Variants in EPHA6 observed in about 807,000 individuals in gnomAD.
The protein encoded by EPHA6 is ephrin type-A receptor 6.
In EPHA6, 50 loss-of-function variants were observed where a neutral mutation model predicts 112.0. The ratio of observed to expected loss-of-function variants is 0.45; its 90% confidence interval spans 0.36 to 0.56. The LOEUF is 0.56. Among genes scored for constraint, EPHA6 ranks in the 20% least tolerant of loss-of-function variants. The probability of loss-of-function intolerance (pLI) is 0.00; values close to 1 mark genes in which losing one functional copy is unlikely to be tolerated. For missense variants in EPHA6, 1,280 were observed against 1,417.4 expected, an observed-to-expected ratio of 0.90 and a Z score of 1.56; for synonymous variants, 529 against 490.7, an observed-to-expected ratio of 1.08 and a Z score of -1.03.
At chr3:97,601,010 A>T (rs1349038128) in intron 12 of EPHA6, among the ~76,000 whole-genome samples, 1 of 152,036 alleles carries the variant, frequency 6.6e-6, no homozygotes, top group Non-Finnish European at 1.5e-5. Flanking sequence ...AAGCCTTCTT[A>T]TTAGCATAAA....
At chr3:97,293,099 G>A (rs2080752138) in intron 5 of EPHA6, among the ~76,000 whole-genome samples, 1 of 148,234 alleles carries the variant, frequency 6.7e-6, no homozygotes, top group African/African-American at 2.5e-5. Flanking sequence ...TGCCAGCAAG[G>A]GCCCAGCTCT....
At chr3:97,724,778 A>AG (rs1345679409) in intron 15 of EPHA6, among the ~76,000 whole-genome samples, 1 of 151,888 alleles carries the variant, frequency 6.6e-6, no homozygotes, top group Non-Finnish European at 1.5e-5. Flanking sequence ...ATAAAGTAAA[A>AG]GAAAATGCAG....
chr3:97,504,423 TGC>T (rs1208512290), intron 10 of EPHA6, among the ~76,000 whole-genome samples: 1 of 152,360 alleles, frequency 6.6e-6, no homozygotes, highest in African/African-American at 2.4e-5. Flanking sequence ...GCATCTCATT[TGC>T]ATAAGGAGCA....
In EPHA6 at chr3:97,204,321, C is replaced by T. The variant is rs546906846; in HGVS notation, c.1115-21943C>T. On this transcript the variant is annotated intron_variant, in intron 3 of 17. Coordinates refer to ENST00000389672, the MANE Select transcript of EPHA6 (RefSeq NM_001080448.3). ...AAATGAATCATTACAGAGCACTTACCATGTACTAGGGCCTGAATCATTACA... is the reference window on the plus strand; with the variant it reads ...AAATGAATCATTACAGAGCACTTACTATGTACTAGGGCCTGAATCATTACA... Among the ~76,000 whole-genome samples, 9 of 152,088 alleles carry T rather than the reference C, an allele frequency of 5.9e-5. No homozygotes were observed. In the East Asian group the frequency reaches 1.7e-3, roughly 29 times the overall value.
At chr3:97,446,505 CT>C (rs1280052181) in intron 6 of EPHA6, among the ~76,000 whole-genome samples, 1 of 152,102 alleles carries the variant, frequency 6.6e-6, no homozygotes, top group Admixed American at 6.6e-5. Flanking sequence ...TGTAATTATC[CT>C]GGAGCCATTC....
intron 5 of EPHA6, among the ~76,000 whole-genome samples, chr3:97,252,740 C>T (rs142838814): frequency 6.6e-6 from 1 of 152,242 alleles, no homozygotes; most frequent in African/African-American, 2.4e-5. Context: ...CAACCATTGT[C>T]CCATTTGTAT....
chr3:97,558,889 T>C (rs1406360786), intron 11 of EPHA6, among the ~76,000 whole-genome samples: 1 of 152,054 alleles, frequency 6.6e-6, no homozygotes, highest in Non-Finnish European at 1.5e-5. Context: ...CAAAATATAT[T>C]ATTTATACAC....
chr3:97,231,838 C>T (rs1320499924), intron 4 of EPHA6, among the ~76,000 whole-genome samples: 1 of 152,102 alleles, frequency 6.6e-6, no homozygotes, highest in African/African-American at 2.4e-5. Flanking sequence ...GACTTATAGT[C>T]GTTTCTTTTT....
At chr3:97,716,239 A>T (rs918973192) in intron 14 of EPHA6, among the ~76,000 whole-genome samples, 1 of 152,226 alleles carries the variant, frequency 6.6e-6, no homozygotes, top group African/African-American at 2.4e-5. Flanking sequence ...ATCAAGCCAC[A>T]AAAGTTTAAG....
chr3:97,538,920 TA>T (rs1467438980), intron 11 of EPHA6, among the ~76,000 whole-genome samples: 16 of 152,184 alleles, frequency 1.1e-4, no homozygotes, highest in Admixed American at 6.5e-5. Flanking sequence ...ATTTTTCAGT[TA>T]ATCATTAATC....
chr3:97,465,967 GT>G (rs200430547), intron 7 of EPHA6, among the ~76,000 whole-genome samples: 1 of 149,650 alleles, frequency 6.7e-6, no homozygotes, highest in Admixed American at 6.7e-5. Context: ...CTGCCCATTT[GT>G]TTTTTTTTCT....
At chr3:96,821,169 A>T (rs1046403251) in intron 1 of EPHA6, among the ~76,000 whole-genome samples, 1 of 151,932 alleles carries the variant, frequency 6.6e-6, no homozygotes, top group African/African-American at 2.4e-5. Flanking sequence ...TATGCAATTA[A>T]AAATTTTATA....
intron 14 of EPHA6, among the ~76,000 whole-genome samples, chr3:97,683,529 A>G (rs2032018333): frequency 6.6e-6 from 1 of 152,182 alleles, no homozygotes; most frequent in Non-Finnish European, 1.5e-5. Context: ...AAGTAACGAA[A>G]AATGAAACCT....
At chr3:96,936,680 A>G (rs1340778315) in intron 2 of EPHA6, among the ~76,000 whole-genome samples, 1 of 152,004 alleles carries the variant, frequency 6.6e-6, no homozygotes, top group Non-Finnish European at 1.5e-5. Flanking sequence ...ACATACGTAC[A>G]CATGTGCCAT....
chr3:97,164,689 C>A (rs918770882), intron 3 of EPHA6, among the ~76,000 whole-genome samples: 1 of 151,862 alleles, frequency 6.6e-6, no homozygotes, highest in East Asian at 1.9e-4. Context: ...TATGTGGTTC[C>A]CAGTGGGCAA....
Position 97,494,298 on chromosome 3 carries a change from T to C in EPHA6, c.2200+10239T>C, listed in dbSNP as rs373455684. On this transcript the variant is annotated intron_variant, in intron 10 of 17. Transcript: ENST00000389672. ...AGTTATTTCCGCCTTTTATAACCAG[T>C]TAATCTATCTCTGGTTAGAATCTTA... 4.1e-5 allele frequency among the ~76,000 whole-genome samples: 6 copies of C among 147,772 alleles called. No individual in the cohort carries two copies. In the East Asian group the frequency reaches 1.2e-3, roughly 29 times the overall value.
intron 14 of EPHA6, among the ~76,000 whole-genome samples, chr3:97,666,348 A>G (rs1194834461): frequency 1.3e-5 from 2 of 152,208 alleles, no homozygotes; most frequent in Non-Finnish European, 2.9e-5. Flanking sequence ...AGCAGCACAA[A>G]CTGAGTGGCT....
intron 14 of EPHA6, among the ~76,000 whole-genome samples, chr3:97,657,023 C>T (rs2107622049): frequency 6.6e-6 from 1 of 151,918 alleles, no homozygotes; most frequent in Admixed American, 6.6e-5. Context: ...AAAGGTAATG[C>T]TTTCTAGATT....
At chr3:97,217,331 T>C (rs1342094254) in intron 3 of EPHA6, among the ~76,000 whole-genome samples, 1 of 151,706 alleles carries the variant, frequency 6.6e-6, no homozygotes, top group African/African-American at 2.4e-5. Flanking sequence ...ATAAAACAGA[T>C]GGTAAAAAGT....
Sources: allele counts gnomAD v4.1 joint callset (sites outside exome capture counted in the v4.1 genomes callset), GRCh38; gene constraint gnomAD v4.1.1; transcripts MANE v1.5; gene names NCBI Gene and HGNC (gene_info 2026-07-23, HGNC 2026-07-21).